The following NLGN2 variants were observed in gnomAD, a reference collection of about 807,000 sequenced individuals.
The protein encoded by NLGN2 is neuroligin 2, also known as neuroligin-2.
Under a neutral mutation model 48.6 loss-of-function variants are expected in NLGN2, and 11 were observed. The observed-to-expected ratio is 0.23, with a 90% confidence interval of 0.14 to 0.37. NLGN2 has a LOEUF of 0.37. Among genes scored for constraint, NLGN2 ranks in the 10% least tolerant of loss-of-function variants. NLGN2 has a pLI of 1.00. For missense variants in NLGN2, 801 were observed against 1,225.2 expected, an observed-to-expected ratio of 0.65 and a Z score of 5.17; for synonymous variants, 548 against 550.0, an observed-to-expected ratio of 1.00 and a Z score of 0.05.
intron 5 of NLGN2, 102 bp from the exon 6 acceptor site, chr17:7,415,409 G>A: frequency 8.9e-7 from 1 of 1,117,760 alleles, no homozygotes. Flanking sequence ...AGGGAAGAAG[G>A]GTCTTGCAGG....
Position 7,408,314 on chromosome 17 carries a change from G to T in NLGN2, c.59G>T (p.Gly20Val), listed in dbSNP as rs1322739670. 2 of 1,377,998 alleles carry T rather than the reference G, an allele frequency of 1.5e-6. No homozygotes were observed. The highest frequency in any genetic ancestry group is 1.9e-6 in the Non-Finnish European group (2 of 1,075,194). The allele number at this position is 1,377,998 out of a possible 1,614,324, so 85.4% of individuals were successfully genotyped here. A position where few individuals can be genotyped will look rare whatever the true frequency, so the allele number is the denominator to read the frequency against. The stretch of plus-strand genomic sequence containing the variant: ...GCGGGGGCTCAACGCGGGGGAGGGG[G>T]TCCCGGCGGCGGCGCCCCGGGCGGC... ...GLAGAQRGGG[G>V]PGGGAPGGPG... Residue 20 changes from glycine to valine, a missense_variant, in exon 1 of 7, where the codon GGT becomes GTT. This residue lies in a region of NLGN2 where 164 missense variants were observed against 186.2 expected (regional missense o/e 0.88). Coordinates refer to ENST00000302926, the MANE Select transcript of NLGN2 (RefSeq NM_020795.4). This position sits in a 1 kb window ranked among gnomAD's most constrained non-coding sequence, Gnocchi z 7.5.
At position 7,408,805 on chromosome 17, in the gene NLGN2, G is replaced by A. The variant is rs2150811671; in HGVS notation, c.457+93G>A. ...GGCACTGGCACCGCTCTAGGGCTCA[G>A]AGCTGGGCCTTTGTGGGGGCAGTGA... is the stretch of plus-strand genomic sequence containing the variant. On this transcript the variant is annotated intron_variant, in intron 1 of 6. Coordinates refer to ENST00000302926, the MANE Select transcript of NLGN2 (RefSeq NM_020795.4). This position sits in a 1 kb window ranked among gnomAD's most constrained non-coding sequence, Gnocchi z 7.5. The A allele has an allele frequency of 6.2e-7, 1 of 1,602,126 alleles. No individual in the cohort carries two copies. The highest frequency in any genetic ancestry group is 2.2e-5 in the East Asian group (1 of 44,538).
In NLGN2 at chr17:7,415,119, G is replaced by T; in HGVS notation, c.1008G>T (p.Glu336Asp). 1.2e-6 allele frequency: 2 copies of T among 1,605,930 alleles called. No individual in the cohort carries two copies. The highest frequency in any genetic ancestry group is 1.7e-6 in the Non-Finnish European group (2 of 1,175,218). The change falls in exon 5 of 7, where the codon GAG becomes GAT. Residue 336 changes from glutamate (E) to aspartate (D), a missense_variant. Coordinates refer to ENST00000302926, the MANE Select transcript of NLGN2 (RefSeq NM_020795.4). ...GTCTGCGCCGGAAGCCCTCCCGGGA[G>T]CTGGTGGACCAGGACGTGCAGCCTG... ...VECLRRKPSRELVDQDVQPAR... is the reference protein window; with the variant it reads ...VECLRRKPSRDLVDQDVQPAR...
chr17:7,409,187 C>G (rs997617827), intron 1 of NLGN2, among the ~76,000 whole-genome samples: 2 of 152,080 alleles, frequency 1.3e-5, no homozygotes, highest in Non-Finnish European at 2.9e-5. Flanking sequence ...TCCCTCTCCC[C>G]CTGGCTGGTG....
rs1190785981 is a variant in NLGN2, at chr17:7,417,388, C to T, written c.2097C>T (p.Tyr699=). The T allele has an allele frequency of 2.5e-6, 4 of 1,610,858 alleles. No homozygotes were observed. Among genetic ancestry groups the T allele is most frequent in the Admixed American group, 1.7e-5 (1 of 59,882 alleles). ...LNILAFAALY[Y]KRDRRQELRC... ...TCCTGGCCTTTGCTGCCCTCTACTA[C>T]AAGCGGGACCGGCGGCAGGAGCTGC... Residue 699 remains tyrosine (Y), a synonymous_variant, in exon 7 of 7, where the codon TAC becomes TAT. Transcript: ENST00000302926.
Position 7,417,929 on chromosome 17 carries a change from C to A in NLGN2, c.*130C>A. 2 of 774,856 alleles carry A rather than the reference C, an allele frequency of 2.6e-6. No homozygotes were observed. The highest frequency in any genetic ancestry group is 3.5e-6 in the Non-Finnish European group (2 of 564,264). 48.0% of individuals were successfully genotyped at this position (774,856 alleles called of 1,614,324 possible). A position where few individuals can be genotyped will look rare whatever the true frequency, so the allele number is the denominator to read the frequency against. On this transcript the variant is annotated 3_prime_UTR_variant, in exon 7 of 7. Coordinates refer to ENST00000302926, the MANE Select transcript of NLGN2 (RefSeq NM_020795.4). Reference sequence around the variant, plus strand: ...CGCCATCCAGCAGCGCTAAGGTGGACATGGGATTCCTCCCTGCGATGCGTG... The same window carrying A: ...CGCCATCCAGCAGCGCTAAGGTGGAAATGGGATTCCTCCCTGCGATGCGTG...
At chr17:7,409,784 A>G (rs537447604) in intron 1 of NLGN2, among the ~76,000 whole-genome samples, 1 of 152,148 alleles carries the variant, frequency 6.6e-6, no homozygotes, top group South Asian at 2.1e-4. Context: ...CTACTCCACA[A>G]TTAAATCATC....
intron 4 of NLGN2, 47 bp downstream of exon 4, chr17:7,414,895 C>G: frequency 6.2e-7 from 1 of 1,613,476 alleles, no homozygotes; most frequent in East Asian, 2.2e-5. Context: ...ACCCTGCCAA[C>G]TCCCCCCTCT....
rs933513673 is a variant in NLGN2, at chr17:7,415,437, G to A, written c.1038-74G>A. The stretch of plus-strand genomic sequence containing the variant: ...CTTGCAGGTAGAGGGAAGCATCTGC[G>A]TGTGGGCTTAGCAGGCCACAGGCCA... On this transcript the variant is annotated intron_variant, in intron 5 of 6. Coordinates refer to ENST00000302926, the MANE Select transcript of NLGN2 (RefSeq NM_020795.4). 3.9e-5 allele frequency: 52 copies of A among 1,328,226 alleles called. No individual in the cohort carries two copies. The Admixed American group carries it at 6.7e-4, about 17-fold the overall frequency. The allele number at this position is 1,328,226 out of a possible 1,614,324, so 82.3% of individuals were successfully genotyped here.
At chr17:7,416,776 T>G in intron 6 of NLGN2, 150 bp from the exon 7 acceptor site, 1 of 932,420 alleles carries the variant, frequency 1.1e-6, no homozygotes, top group East Asian at 2.6e-5. Context: ...CATATCCATC[T>G]GTGTCTCTCT....
chr17:7,407,866 G>A lies in NLGN2; in HGVS notation c.-390G>A, dbSNP rs1272492558. On this transcript the variant is annotated 5_prime_UTR_variant, in exon 1 of 7. Coordinates refer to ENST00000302926, the MANE Select transcript of NLGN2 (RefSeq NM_020795.4). ...GGGGGCAACTTGGTCTGAATTCCAG[G>A]TCACTAACCACTTGTCTCTTCTGTT... 6.3e-6 allele frequency: 1 copy of A among 157,974 alleles called. No individual in the cohort carries two copies. 9.8% of individuals were successfully genotyped at this position (157,974 alleles called of 1,614,324 possible).
rs746591440 is a variant in NLGN2, at chr17:7,417,398, C to A, written c.2107C>A (p.Arg703=). 6.2e-7 allele frequency: 1 copy of A among 1,610,110 alleles called. No individual in the cohort carries two copies. Among genetic ancestry groups the A allele is most frequent in the Non-Finnish European group, 8.5e-7 (1 of 1,178,726 alleles). ...TGCTGCCCTCTACTACAAGCGGGAC[C>A]GGCGGCAGGAGCTGCGGTGCAGGCG... ...AFAALYYKRD[R]RQELRCRRLS... is the part of the protein sequence containing the mutation. Residue 703 remains arginine, a synonymous_variant, in exon 7 of 7, where the codon CGG becomes AGG. Coordinates refer to ENST00000302926, the MANE Select transcript of NLGN2 (RefSeq NM_020795.4).
At chr17:7,405,536 C>T (rs1460233440), upstream of NLGN2, 1 of 152,156 alleles carries the variant, frequency 6.6e-6, no homozygotes, top group African/African-American at 2.4e-5. This position sits in a 1 kb window ranked among gnomAD's most constrained non-coding sequence, Gnocchi z 6.8. Flanking sequence ...CAGAGGCCGC[C>T]GCCCCCTCCC....
chr17:7,410,260 C>T (rs1906824951), intron 1 of NLGN2, among the ~76,000 whole-genome samples: 1 of 151,654 alleles, frequency 6.6e-6, no homozygotes, highest in African/African-American at 2.4e-5. Flanking sequence ...GGACCATTCA[C>T]CCTGTATCCC....
At position 7,416,942 on chromosome 17, in the gene NLGN2, G is replaced by A. The variant is rs1907124354; in HGVS notation, c.1651G>A (p.Val551Met). 1 of 1,613,794 alleles carries A rather than the reference G, an allele frequency of 6.2e-7. No individual in the cohort carries two copies. ...TGCCCACAGGGACCCCAACCAGCCG[G>A]TGCCGCAGGATACCAAGTTCATCCA... ...FAKTGDPNQPVPQDTKFIHTK... is the reference protein window; with the variant it reads ...FAKTGDPNQPMPQDTKFIHTK... The change falls in exon 7 of 7, where the codon GTG becomes ATG. Residue 551 changes from valine (V) to methionine (M), a missense_variant. Val to Met is a conservative substitution (Grantham distance 21). Coordinates refer to ENST00000302926, the MANE Select transcript of NLGN2 (RefSeq NM_020795.4).
chr17:7,412,221 T>A lies in NLGN2; in HGVS notation c.508+14T>A, dbSNP rs1906929100. 1 of 1,610,038 alleles carries A rather than the reference T, an allele frequency of 6.2e-7. No homozygotes were observed. The highest frequency in any genetic ancestry group is 2.2e-5 in the East Asian group (1 of 44,866). Reference sequence around the variant, plus strand: ...CGCCAGACACAGGTAGATTTAAAAATCCCGCTGCTGCATGTGGTTGCTTAT... The same window carrying A: ...CGCCAGACACAGGTAGATTTAAAAAACCCGCTGCTGCATGTGGTTGCTTAT... On this transcript the variant is annotated intron_variant, in intron 2 of 6. Transcript: ENST00000302926.
At position 7,417,157 on chromosome 17, in the gene NLGN2, G is replaced by C. The variant is rs1379375925; in HGVS notation, c.1866G>C (p.Leu622=). ...HTELFTTTTR[L]PPYATRWPPR... ...AGCTCTTCACCACCACCACGCGCCT[G>C]CCTCCCTACGCCACGCGCTGGCCGC... The change falls in exon 7 of 7, where the codon CTG becomes CTC. Residue 622 remains leucine, a synonymous_variant. Transcript: ENST00000302926. The C allele has an allele frequency of 1.2e-6, 2 of 1,602,590 alleles. No homozygotes were observed. Among genetic ancestry groups the C allele is most frequent in the Non-Finnish European group, 1.7e-6 (2 of 1,177,326 alleles).
chr17:7,406,653 C>CGGGGGGGGGGGGG (rs71157283), upstream of NLGN2, among the ~76,000 whole-genome samples: 3 of 90,164 alleles, frequency 3.3e-5, no homozygotes, highest in African/African-American at 4.5e-5. Flanking sequence ...GGTGGGGGGG[C>CGGGGGGGGGGGGG]GGGGGGGGGG....
chr17:7,407,004 T>C (rs572886390), upstream of NLGN2, among the ~76,000 whole-genome samples: 4 of 152,282 alleles, frequency 2.6e-5, no homozygotes, highest in South Asian at 4.1e-4. Flanking sequence ...TAGGCTTTGA[T>C]TGGCCAACAG....
Sources: gnomAD v4.1 joint callset for allele counts (sites outside exome capture counted in the v4.1 genomes callset) on GRCh38, gnomAD v4.1.1 for gene constraint, gnomAD v4.1.1 regional missense constraint, Gnocchi (gnomAD v3.1) non-coding constraint, MANE v1.5 for transcripts, NCBI Gene and HGNC (gene_info 2026-07-23, HGNC 2026-07-21) for gene names.